The following MAP3K7CL variants were observed in gnomAD, a reference collection of about 807,000 sequenced individuals.
MAP3K7CL encodes MAP3K7 C-terminal-like protein.
MAP3K7CL carries 16 observed loss-of-function variants against 18.6 expected under a neutral mutation model. The observed-to-expected ratio is 0.86, with a 90% CI of 0.58 to 1.31. The LOEUF is 1.31. MAP3K7CL is among the 50% of genes most tolerant of loss of function. The pLI is 0.00. For missense variants in MAP3K7CL, 163 were observed against 174.4 expected (o/e 0.93, Z 0.37); for synonymous variants, 65 against 66.8 (o/e 0.97, Z 0.13).
intron 4 of MAP3K7CL, among the ~76,000 whole-genome samples, chr21:29,169,947 C>G (rs1233196501): frequency 2.0e-5 from 3 of 152,156 alleles, no homozygotes; most frequent in African/African-American, 7.2e-5. Context: ...GTTACAGATT[C>G]ATGACTGCAG....
At chr21:29,138,235 A>C (rs2086926071) in intron 2 of MAP3K7CL, among the ~76,000 whole-genome samples, 2 of 152,234 alleles carry the variant, frequency 1.3e-5, no homozygotes, top group Admixed American at 1.3e-4. Context: ...GTGCTTTTTA[A>C]AGTAAACTTA....
intron 4 of MAP3K7CL, among the ~76,000 whole-genome samples, chr21:29,095,989 C>T (rs1158519809): frequency 1.3e-5 from 2 of 152,154 alleles, no homozygotes; most frequent in Non-Finnish European, 2.9e-5. Flanking sequence ...CTCTGGGCTG[C>T]AGCTCAGAAG....
chr21:29,094,229 A>T (rs558589449), intron 4 of MAP3K7CL, among the ~76,000 whole-genome samples: 1 of 152,230 alleles, frequency 6.6e-6, no homozygotes, highest in African/African-American at 2.4e-5. Context: ...ACATCCCACA[A>T]TCCACAGAAC....
upstream of MAP3K7CL, among the ~76,000 whole-genome samples, chr21:29,081,547 C>A (rs1049261487): frequency 6.6e-6 from 1 of 151,716 alleles, no homozygotes; most frequent in Non-Finnish European, 1.5e-5. Flanking sequence ...AGCGAGACTC[C>A]GTCTCAAAAA....
intron 3 of MAP3K7CL, among the ~76,000 whole-genome samples, chr21:29,152,881 G>A (rs1374784131): frequency 6.6e-6 from 1 of 152,076 alleles, no homozygotes; most frequent in East Asian, 1.9e-4. Flanking sequence ...AACTTTTTTT[G>A]TTTGTTTCTG....
chr21:29,078,398 C>G (rs1240665510), intron 1 of MAP3K7CL, among the ~76,000 whole-genome samples: 1 of 152,048 alleles, frequency 6.6e-6, no homozygotes, highest in Admixed American at 6.6e-5. Context: ...AATTTATACC[C>G]TTATTCACTT....
intron 1 of MAP3K7CL, among the ~76,000 whole-genome samples, chr21:29,087,808 TG>T (rs1351824073): frequency 6.6e-6 from 1 of 152,028 alleles, no homozygotes; most frequent in African/African-American, 2.4e-5. Context: ...TTAGCCAGGA[TG>T]GTCTCGATCT....
At chr21:29,109,608 C>T in intron 4 of MAP3K7CL, 1 of 999,710 alleles carries the variant, frequency 1.0e-6, no homozygotes, top group Non-Finnish European at 1.2e-6. Context: ...GCACATTATT[C>T]CCCTCGTCAC....
chr21:29,122,433 A>G (rs959138727), intron 4 of MAP3K7CL, among the ~76,000 whole-genome samples: 9 of 152,350 alleles, frequency 5.9e-5, no homozygotes, highest in South Asian at 4.1e-4. Flanking sequence ...TTCAGTGTCC[A>G]GGAAGAATCA....
chr21:29,099,428 T>G (rs1185783096), intron 4 of MAP3K7CL, among the ~76,000 whole-genome samples: 3 of 151,946 alleles, frequency 2.0e-5, no homozygotes, highest in African/African-American at 7.3e-5. Flanking sequence ...TTGAAGGCAT[T>G]TAAAGGAGTT....
chr21:29,093,498 T>C (rs1269348541), intron 4 of MAP3K7CL, among the ~76,000 whole-genome samples: 1 of 152,106 alleles, frequency 6.6e-6, no homozygotes, highest in Non-Finnish European at 1.5e-5. Context: ...TGTTTTTGTT[T>C]TGAGATGGAG....
At chr21:29,161,076 C>G (rs2471946) in intron 4 of MAP3K7CL, among the ~76,000 whole-genome samples, 42,809 of 152,148 alleles carry the variant, frequency 0.28, 7,554 homozygotes, top group Non-Finnish European at 0.37. Context: ...TTTAGGAGGC[C>G]GAGGCTGGTA....
In MAP3K7CL at chr21:29,087,484, A is replaced by T. The variant is rs558700096; in HGVS notation, c.57+1567A>T. On this transcript the variant is annotated intron_variant, in intron 1 of 6. Transcript: ENST00000286791. Reference sequence around the variant, plus strand: ...TAAATGAATGAACCTCAGTTTTTGGATGAAGAAGCTAAAGAACAGAGAGGT... The same window carrying T: ...TAAATGAATGAACCTCAGTTTTTGGTTGAAGAAGCTAAAGAACAGAGAGGT... Among the ~76,000 whole-genome samples the T allele has an allele frequency of 3.4e-4, 51 of 152,040 alleles. No individual in the cohort carries two copies. The South Asian group carries it at 0.01, about 31-fold the overall frequency.
intron 2 of MAP3K7CL, among the ~76,000 whole-genome samples, chr21:29,140,222 C>G (rs546279396): frequency 6.6e-6 from 1 of 152,238 alleles, no homozygotes; most frequent in African/African-American, 2.4e-5. Flanking sequence ...CTTATAAAAT[C>G]AGTAATACAC....
At chr21:29,141,167 ACACT>A (rs2086998287) in intron 2 of MAP3K7CL, among the ~76,000 whole-genome samples, 1 of 152,204 alleles carries the variant, frequency 6.6e-6, no homozygotes, top group Admixed American at 6.5e-5. Context: ...GGATAAATAG[ACACT>A]CACAAAATGA....
intron 4 of MAP3K7CL, among the ~76,000 whole-genome samples, chr21:29,108,121 T>C (rs2086355939): frequency 6.6e-6 from 1 of 152,190 alleles, no homozygotes; most frequent in Non-Finnish European, 1.5e-5. Flanking sequence ...AGAATTCATA[T>C]GTTGAAGTTC....
chr21:29,090,621 C>T (rs1181447462), intron 1 of MAP3K7CL, among the ~76,000 whole-genome samples: 4 of 152,076 alleles, frequency 2.6e-5, no homozygotes, highest in Admixed American at 2.6e-4. Flanking sequence ...CCTCGTGATC[C>T]GCCTGCCTTG....
rs2086435162 is a variant in MAP3K7CL, at chr21:29,112,459, TTA to T, written c.370+19879_370+19880del. Among the ~76,000 whole-genome samples, 3 of 152,202 alleles carry T rather than the reference TTA, an allele frequency of 2.0e-5. No individual in the cohort carries two copies. In the South Asian group the frequency reaches 6.2e-4, roughly 32 times the overall value. ...GCAATTAGTATTAACCTAGGATTTT[TTA>T]AAAAACCCACTCTCTGCTTTGTAGT... On this transcript the variant is annotated intron_variant, in intron 4 of 6. Transcript: ENST00000286791.
upstream of MAP3K7CL, chr21:29,077,380 C>CGGGGCCGGT (rs1555868139): frequency 1.3e-5 from 2 of 153,364 alleles, no homozygotes; most frequent in Admixed American, 1.3e-4. Flanking sequence ...CTCAACTGCC[C>CGGGGCCGGT]GGGGCCGGTG....
Sources: gnomAD v4.1 joint callset for allele counts (sites outside exome capture counted in the v4.1 genomes callset) on GRCh38, gnomAD v4.1.1 for gene constraint, MANE v1.5 for transcripts, NCBI Gene and HGNC (gene_info 2026-07-23, HGNC 2026-07-21) for gene names.